The following FRMPD3 variants were observed in gnomAD, a reference collection of about 807,000 sequenced individuals.
FRMPD3 encodes the protein FERM and PDZ domain containing 3.
Under a neutral mutation model 97.9 loss-of-function variants are expected in FRMPD3, and 42 were observed. That is an observed-to-expected ratio of 0.43 (90% CI 0.34 to 0.55). The LOEUF is 0.55. Among genes scored for constraint, FRMPD3 ranks in the 20% least tolerant of loss-of-function variants. The pLI is 0.03. For missense variants in FRMPD3, 1,303 were observed against 1,457.7 expected (o/e 0.89, Z 1.73); for synonymous variants, 577 against 581.1 (o/e 0.99, Z 0.10).
chrX:107,489,086 T>A (rs1921583773), intron 1 of FRMPD3, among the ~76,000 whole-genome samples: 5 of 104,397 alleles, frequency 4.8e-5, no homozygotes, highest in African/African-American at 1.8e-4. Flanking sequence ...ACATGTGGTG[T>A]TTGGTTTTTT....
chrX:107,559,302 G>A (rs1922245839), intron 8 of FRMPD3, among the ~76,000 whole-genome samples: 1 of 111,526 alleles, frequency 9.0e-6, no homozygotes. Context: ...GGCATTATAA[G>A]TAATCTAGAG....
In FRMPD3 at chrX:107,550,901, C is replaced by T. The variant is rs140432820; in HGVS notation, c.510+745C>T. Reference sequence around the variant, plus strand: ...TGCCGCCCAAACTGCTGGGCAGCTACGGTGTCTACCCAGAAAACCTAGGTT... The same window carrying T: ...TGCCGCCCAAACTGCTGGGCAGCTATGGTGTCTACCCAGAAAACCTAGGTT... On this transcript the variant is annotated intron_variant, in intron 6 of 14. Coordinates refer to ENST00000683843, the MANE Select transcript of FRMPD3 (RefSeq NM_001388459.1). Among the ~76,000 whole-genome samples the T allele has an allele frequency of 4.5e-3, 503 of 111,987 alleles. 1 individual carries two copies. Among genetic ancestry groups the T allele is most frequent in the Non-Finnish European group, 6.4e-3 (340 of 53,137 alleles).
At chrX:107,534,462 C>T (rs1044758623) in intron 4 of FRMPD3, among the ~76,000 whole-genome samples, 7 of 110,845 alleles carry the variant, frequency 6.3e-5, no homozygotes, top group Non-Finnish European at 1.3e-4. Flanking sequence ...GGGAAGGCTT[C>T]AAGGAGGAGG....
intron 1 of FRMPD3, among the ~76,000 whole-genome samples, chrX:107,457,962 T>C (rs1056621832): frequency 3.6e-5 from 4 of 111,881 alleles, no homozygotes; most frequent in East Asian, 2.8e-4. Flanking sequence ...GTGCCTCAGA[T>C]TGATCACTTA....
chrX:107,522,631 C>G (rs1449964614), intron 1 of FRMPD3: 1 of 414,060 alleles, frequency 2.4e-6, no homozygotes, highest in Admixed American at 4.4e-5. Context: ...GAACAGTCAC[C>G]TAGCGTATTT....
At chrX:107,581,452 A>T (rs1923386544) in intron 13 of FRMPD3, among the ~76,000 whole-genome samples, 1 of 109,930 alleles carries the variant, frequency 9.1e-6, no homozygotes, top group African/African-American at 3.3e-5. Flanking sequence ...TCATGTGCCC[A>T]GAGCTGTGCT....
intron 5 of FRMPD3, among the ~76,000 whole-genome samples, chrX:107,547,210 T>C (rs1477336486): frequency 8.9e-6 from 1 of 111,810 alleles, no homozygotes; most frequent in Admixed American, 9.5e-5. Context: ...TCCTGAATGC[T>C]TGAAAACCCA....
rs1422772276 is a variant in FRMPD3, at chrX:107,603,540, A to G, written c.*167A>G. On this transcript the variant is annotated 3_prime_UTR_variant, in exon 15 of 15. Coordinates refer to ENST00000683843, the MANE Select transcript of FRMPD3 (RefSeq NM_001388459.1). Reference sequence around the variant, plus strand: ...CTCTCTTGATTGAGGCTCTCTCTTAAGGGCTGCAGGCTTAGCTGCCGCCCT... The same window carrying G: ...CTCTCTTGATTGAGGCTCTCTCTTAGGGGCTGCAGGCTTAGCTGCCGCCCT... The G allele has an allele frequency of 1.1e-5, 11 of 1,017,017 alleles. No individual in the cohort carries two copies. The highest frequency in any genetic ancestry group is 1.1e-5 in the Non-Finnish European group (9 of 783,916). The allele number at this position is 1,017,017 out of a possible 1,213,427, so 83.8% of individuals were successfully genotyped here.
In FRMPD3 at chrX:107,603,111, C is replaced by A. The variant is rs1292175955; in HGVS notation, c.5072C>A (p.Ala1691Asp). Residue 1691 changes from alanine to aspartate, a missense_variant, in exon 15 of 15, where the codon GCC becomes GAC. Coordinates refer to ENST00000683843, the MANE Select transcript of FRMPD3 (RefSeq NM_001388459.1). ...RSEAQRQELLAKVEEVVRNYT... is the reference protein window; with the variant it reads ...RSEAQRQELLDKVEEVVRNYT... ...GAGGCCCAGCGCCAAGAGCTGCTGG[C>A]CAAGGTAGAAGAGGTGGTGAGGAAC... 8.3e-7 allele frequency: 1 copy of A among 1,208,772 alleles called. No homozygotes were observed. The highest frequency in any genetic ancestry group is 2.2e-5 in the Admixed American group (1 of 45,807).
intron 1 of FRMPD3, among the ~76,000 whole-genome samples, chrX:107,461,193 T>G (rs1408407277): frequency 3.6e-5 from 4 of 112,117 alleles, no homozygotes. Flanking sequence ...GAGCTCCAGT[T>G]GCATTTCATT....
chrX:107,593,557 G>T (rs374749506), intron 13 of FRMPD3, among the ~76,000 whole-genome samples: 11 of 111,563 alleles, frequency 9.9e-5, no homozygotes, highest in African/African-American at 3.6e-4. Context: ...AATCCCTCTT[G>T]AGTTAATTTT....
intron 1 of FRMPD3, among the ~76,000 whole-genome samples, chrX:107,454,784 C>T (rs1245701566): frequency 8.9e-6 from 1 of 111,838 alleles, no homozygotes; most frequent in Non-Finnish European, 1.9e-5. Context: ...TATATTCTTC[C>T]AACCCTATTT....
rs1363607769 is a variant in FRMPD3, at chrX:107,597,627, C to T, written c.1748C>T (p.Ala583Val). ...YEVVPDDFDA[A>V]SLDHEPCASR... ...GTAGTCCCTGATGACTTTGATGCAG[C>T]TAGCCTAGACCACGAGCCTTGTGCC... Residue 583 changes from alanine to valine, a missense_variant, in exon 14 of 15, where the codon GCT (alanine) becomes GTT (valine). Coordinates refer to ENST00000683843, the MANE Select transcript of FRMPD3 (RefSeq NM_001388459.1). 1.7e-6 allele frequency: 2 copies of T among 1,209,201 alleles called. No homozygotes were observed. The highest frequency in any genetic ancestry group is 4.4e-5 in the Admixed American group (2 of 45,734).
chrX:107,552,943 T>C lies in FRMPD3; in HGVS notation c.642+17T>C. 8.3e-7 allele frequency: 1 copy of C among 1,198,379 alleles called. No individual in the cohort carries two copies. The highest frequency in any genetic ancestry group is 1.1e-6 in the Non-Finnish European group (1 of 888,953). ...CTGGCTTATGTAAGTAACTCTTTTT[T>C]ACAGATAGCTTTGCATGTGGCCTCT... is the stretch of plus-strand genomic sequence containing the variant. On this transcript the variant is annotated intron_variant, in intron 7 of 14. Coordinates refer to ENST00000683843, the MANE Select transcript of FRMPD3 (RefSeq NM_001388459.1).
Position 107,524,101 on chromosome X carries a change from C to T in FRMPD3, c.-7-2481C>T, listed in dbSNP as rs12856012. ...GTGCCATCCCAAGAAGTCCTTTTAG[C>T]GCCAACAAGTCCGGGTGGCAGGAAG... is the stretch of plus-strand genomic sequence containing the variant. On this transcript the variant is annotated intron_variant, in intron 1 of 14. Coordinates refer to ENST00000683843, the MANE Select transcript of FRMPD3 (RefSeq NM_001388459.1). Among the ~76,000 whole-genome samples the T allele has an allele frequency of 4.8e-3, 539 of 112,316 alleles. 3 individuals are homozygous for T. The highest frequency in any genetic ancestry group is 9.2e-3 in the Middle Eastern group (2 of 218).
At chrX:107,451,901 G>C (rs1015978157) in intron 1 of FRMPD3, among the ~76,000 whole-genome samples, 2 of 111,193 alleles carry the variant, frequency 1.8e-5, no homozygotes, top group African/African-American at 6.6e-5. Flanking sequence ...TGGCTTCTAC[G>C]TCAGAGCCCC....
At chrX:107,564,705 A>T (rs1281681840) in intron 11 of FRMPD3, among the ~76,000 whole-genome samples, 182 bp from the exon 12 acceptor site, 1 of 112,239 alleles carries the variant, frequency 8.9e-6, no homozygotes, top group African/African-American at 3.2e-5. Flanking sequence ...CTATCCCAGG[A>T]ACCATTTTCT....
chrX:107,512,202 G>A (rs1922185993), intron 1 of FRMPD3, among the ~76,000 whole-genome samples: 1 of 110,429 alleles, frequency 9.1e-6, no homozygotes, highest in Admixed American at 9.6e-5. Flanking sequence ...GAGATGGGGA[G>A]GGTGCAGTTA....
intron 1 of FRMPD3, among the ~76,000 whole-genome samples, chrX:107,498,028 C>G (rs1176736511): frequency 8.9e-6 from 1 of 112,034 alleles, no homozygotes; most frequent in East Asian, 2.8e-4. Flanking sequence ...GGTCCTTGGT[C>G]ACATTCTCAT....
Sources: allele counts gnomAD v4.1 joint callset (sites outside exome capture counted in the v4.1 genomes callset), GRCh38; gene constraint gnomAD v4.1.1; transcripts MANE v1.5; gene names NCBI Gene and HGNC (gene_info 2026-07-23, HGNC 2026-07-21).